Variants in ITGBL1 observed in about 807,000 individuals in gnomAD.
The protein encoded by ITGBL1 is integrin beta-like protein 1.
In ITGBL1, 51 loss-of-function variants were observed where a neutral mutation model predicts 68.5. The ratio of observed to expected loss-of-function variants is 0.74; its 90% CI spans 0.59 to 0.94. ITGBL1 has a LOEUF of 0.94. Ranked by LOEUF, ITGBL1 falls within the 40% of genes least tolerant of loss-of-function variation. The probability of loss-of-function intolerance (pLI) is 0.00; values close to 1 mark genes in which losing one functional copy is unlikely to be tolerated. For missense variants in ITGBL1, 649 were observed against 647.4 expected, an observed-to-expected ratio of 1.00 and a Z score of -0.03; for synonymous variants, 209 against 227.3, an observed-to-expected ratio of 0.92 and a Z score of 0.72.
intron 7 of ITGBL1, among the ~76,000 whole-genome samples, chr13:101,620,810 AGT>A (rs1390260829): frequency 2.0e-5 from 3 of 152,190 alleles, no homozygotes; most frequent in African/African-American, 7.2e-5. Flanking sequence ...GGTCCTTCTC[AGT>A]GCCAGAGACT....
intron 7 of ITGBL1, among the ~76,000 whole-genome samples, chr13:101,684,436 G>T (rs981031232): frequency 1.3e-5 from 2 of 151,860 alleles, no homozygotes; most frequent in African/African-American, 4.8e-5. Flanking sequence ...AGATCAATTA[G>T]GGGATATTTG....
At chr13:101,534,060 G>T (rs9582503) in intron 2 of ITGBL1, among the ~76,000 whole-genome samples, 3,434 of 152,126 alleles carry the variant, frequency 0.023, 121 homozygotes, top group African/African-American at 0.078. Flanking sequence ...GTTTTTCAAA[G>T]AAAAAATAAC....
intron 6 of ITGBL1, among the ~76,000 whole-genome samples, chr13:101,594,295 G>A (rs2050706090): frequency 6.6e-6 from 1 of 152,054 alleles, no homozygotes; most frequent in African/African-American, 2.4e-5. Context: ...ATAGCCAATT[G>A]ACTTTAAACA....
intron 2 of ITGBL1, among the ~76,000 whole-genome samples, chr13:101,547,003 A>G (rs369642235): frequency 2.0e-5 from 3 of 152,136 alleles, no homozygotes; most frequent in Admixed American, 1.3e-4. Flanking sequence ...AAAATAAAAC[A>G]CAAAATAAAA....
chr13:101,460,558 C>T (rs1025195811), intron 2 of ITGBL1, among the ~76,000 whole-genome samples: 17 of 152,344 alleles, frequency 1.1e-4, no homozygotes, highest in African/African-American at 4.1e-4. Context: ...CTCAATTGTA[C>T]TGCTTTATTT....
chr13:101,475,329 T>C (rs9582490), intron 2 of ITGBL1, among the ~76,000 whole-genome samples: 3,923 of 152,116 alleles, frequency 0.026, 161 homozygotes, highest in African/African-American at 0.089. Flanking sequence ...AACCACAGAA[T>C]TGATCAAACA....
chr13:101,675,393 A>G (rs1360653967), intron 7 of ITGBL1, among the ~76,000 whole-genome samples: 1 of 152,132 alleles, frequency 6.6e-6, no homozygotes, highest in Non-Finnish European at 1.5e-5. Flanking sequence ...AATGGCTTAA[A>G]CGACAGAATT....
intron 7 of ITGBL1, among the ~76,000 whole-genome samples, chr13:101,625,898 T>C (rs918469013): frequency 6.6e-6 from 1 of 152,198 alleles, no homozygotes; most frequent in Non-Finnish European, 1.5e-5. Context: ...CGTTAGACAC[T>C]GTTCTAAAGA....
chr13:101,580,556 A>G (rs2050439600), intron 5 of ITGBL1, among the ~76,000 whole-genome samples: 1 of 152,128 alleles, frequency 6.6e-6, no homozygotes, highest in Admixed American at 6.5e-5. Context: ...TATCATTTAC[A>G]TTAGGTATAT....
intron 2 of ITGBL1, among the ~76,000 whole-genome samples, chr13:101,519,053 T>A (rs1192112863): frequency 6.6e-6 from 1 of 152,200 alleles, no homozygotes; most frequent in Non-Finnish European, 1.5e-5. Context: ...CTCCTTTTTC[T>A]AATAGATACT....
rs543746008 is a variant in ITGBL1 at position 101,708,184 on chromosome 13, C to T, written c.1279+1282C>T. ...TTCTTGAAGGGACTTTAAAATCCTGCCATTGTAATGCATATGGCATCATCT... is the reference window on the plus strand; with the variant it reads ...TTCTTGAAGGGACTTTAAAATCCTGTCATTGTAATGCATATGGCATCATCT... On this transcript the variant is annotated intron_variant, in intron 9 of 10. Transcript: ENST00000376180. 1.6e-4 allele frequency among the ~76,000 whole-genome samples: 25 copies of T among 152,162 alleles called. No individual in the cohort carries two copies. In the South Asian group the frequency reaches 3.7e-3, roughly 23 times the overall value.
At chr13:101,456,550 G>T (rs894306670) in intron 2 of ITGBL1, among the ~76,000 whole-genome samples, 1 of 152,144 alleles carries the variant, frequency 6.6e-6, no homozygotes, top group African/African-American at 2.4e-5. Flanking sequence ...GTAACTTTCG[G>T]AGACCTCTCC....
chr13:101,607,819 T>C (rs1335231489), intron 7 of ITGBL1, among the ~76,000 whole-genome samples: 4 of 152,094 alleles, frequency 2.6e-5, no homozygotes, highest in African/African-American at 4.8e-5. Flanking sequence ...ACTTCTTTCA[T>C]TGACTTCTAT....
intron 2 of ITGBL1, among the ~76,000 whole-genome samples, chr13:101,497,859 A>AT (rs35353527): frequency 0.39 from 57,948 of 147,316 alleles, 12,682 homozygotes; most frequent in Non-Finnish European, 0.51. Context: ...TAAGCTGATA[A>AT]TTTTTTTTTT....
At chr13:101,591,685 C>T (rs888854937) in intron 6 of ITGBL1, among the ~76,000 whole-genome samples, 1 of 152,186 alleles carries the variant, frequency 6.6e-6, no homozygotes, top group Non-Finnish European at 1.5e-5. Flanking sequence ...GGCCAATTTT[C>T]ATATTGGATG....
intron 2 of ITGBL1, among the ~76,000 whole-genome samples, chr13:101,497,146 C>T (rs2048868871): frequency 6.6e-6 from 1 of 152,154 alleles, no homozygotes; most frequent in South Asian, 2.1e-4. Flanking sequence ...GAATTGTGGC[C>T]CTTTACTTTA....
At chr13:101,559,514 T>G (rs1053950378) in intron 2 of ITGBL1, among the ~76,000 whole-genome samples, 4 of 152,228 alleles carry the variant, frequency 2.6e-5, no homozygotes, top group Non-Finnish European at 4.4e-5. Context: ...ATAATCCAAT[T>G]CTAAGCATGT....
chr13:101,549,621 T>A (rs1372300070), intron 2 of ITGBL1, among the ~76,000 whole-genome samples: 1 of 152,042 alleles, frequency 6.6e-6, no homozygotes, highest in Admixed American at 6.6e-5. Flanking sequence ...GAGGAGAACT[T>A]CTAAGAAAAT....
chr13:101,529,767 A>G (rs1375567718), intron 2 of ITGBL1, among the ~76,000 whole-genome samples: 10 of 152,130 alleles, frequency 6.6e-5, no homozygotes, highest in Admixed American at 4.6e-4. Context: ...CTGCCGCCAT[A>G]AAAGACTTGC....
Sources: allele counts gnomAD v4.1 joint callset (sites outside exome capture counted in the v4.1 genomes callset), GRCh38; gene constraint gnomAD v4.1.1; transcripts MANE v1.5; gene names NCBI Gene and HGNC (gene_info 2026-07-23, HGNC 2026-07-21).